Variants in PLAGL1 observed in about 807,000 individuals in gnomAD.
The protein encoded by PLAGL1 is PLAG1 like zinc finger 1.
PLAGL1 carries 1 observed loss-of-function variant against 4.6 expected under a neutral mutation model. The observed-to-expected ratio is 0.22, with a 90% confidence interval of 0.08 to 1.03. The LOEUF is 1.03. Among genes scored for constraint, PLAGL1 ranks in the 50% least tolerant of loss-of-function variants. The pLI is 0.58. For synonymous variants in PLAGL1, 240 were observed against 237.8 expected (o/e 1.01, Z -0.08); for missense variants, 464 against 570.4 (o/e 0.81, Z 1.90).
At position 143,964,794 on chromosome 6, in the gene PLAGL1, A is replaced by T. The variant is rs1411979546; in HGVS notation, c.-406T>A. On this transcript the variant is annotated 5_prime_UTR_variant, in exon 5 of 8. Transcript: ENST00000674357. The surrounding 1 kb of genome is among the most constrained non-coding windows in gnomAD (Gnocchi z 4.3). The stretch of plus-strand genomic sequence containing the variant: ...ATGTTAGAGTATACTCACAAGATTA[A>T]CTCCTCTGATTCCTATGCAAATACC... The T allele has an allele frequency of 6.6e-6, 1 of 152,042 alleles. No individual in the cohort carries two copies. Among genetic ancestry groups the T allele is most frequent in the Non-Finnish European group, 1.5e-5 (1 of 68,028 alleles). 9.4% of individuals were successfully genotyped at this position (152,042 alleles called of 1,614,324 possible).
intron 1 of PLAGL1, chr6:144,007,310 G>A (rs1283957674): frequency 1.3e-5 from 2 of 152,138 alleles, no homozygotes; most frequent in Non-Finnish European, 2.9e-5. Flanking sequence ...GAGGACTTAG[G>A]GGACCAGGAC....
chr6:144,021,867 G>A (rs1258019023), intron 1 of PLAGL1, among the ~76,000 whole-genome samples: 1 of 152,210 alleles, frequency 6.6e-6, no homozygotes, highest in Non-Finnish European at 1.5e-5. Context: ...CAAATGGTCA[G>A]GTAGTCATGG....
intron 1 of PLAGL1, among the ~76,000 whole-genome samples, chr6:144,060,714 T>G (rs2128731885): frequency 6.6e-6 from 1 of 152,330 alleles, no homozygotes; most frequent in South Asian, 2.1e-4. Context: ...ACTTTTCCAT[T>G]CCAAATTACC....
At chr6:144,054,761 G>T (rs1216431631) in intron 1 of PLAGL1, among the ~76,000 whole-genome samples, 2 of 144,292 alleles carry the variant, frequency 1.4e-5, no homozygotes, top group Non-Finnish European at 3.0e-5. Context: ...AAAAGAAAAA[G>T]AAAAACTAAA....
In PLAGL1 at chr6:144,048,754, C is replaced by T. The variant is rs1798361711; in HGVS notation, c.-151+15714G>A. ...CTGCCAAGAAGGTCTCTAACATGCC[C>T]TGAAATGTTTTCCCCATCATCTTGG... On this transcript the variant is annotated intron_variant, in intron 1 of 3. Transcript: ENST00000437412. This position sits in a 1 kb window ranked among gnomAD's most constrained non-coding sequence, Gnocchi z 4.8. Among the ~76,000 whole-genome samples, 1 of 152,196 alleles carries T rather than the reference C, an allele frequency of 6.6e-6. No individual in the cohort carries two copies.
upstream of PLAGL1, among the ~76,000 whole-genome samples, chr6:144,013,281 T>A (rs1478363322): frequency 6.6e-6 from 1 of 152,084 alleles, no homozygotes; most frequent in Non-Finnish European, 1.5e-5. This position sits in a 1 kb window ranked among gnomAD's most constrained non-coding sequence, Gnocchi z 4.4. Context: ...TTACCAGGGG[T>A]AACAGCTATG....
rs952358592 is a variant in PLAGL1 at position 143,971,298 on chromosome 6, T to A, written c.-543-2320A>T. ...TTCACAAATGTGTAAACCTCTATTT[T>A]AAATTTTACCTCTACCATTAATCAA... On this transcript the variant is annotated intron_variant, in intron 2 of 7. Transcript: ENST00000674357. The surrounding 1 kb of genome is among the most constrained non-coding windows in gnomAD (Gnocchi z 4.7). 3.3e-5 allele frequency among the ~76,000 whole-genome samples: 5 copies of A among 152,212 alleles called. No homozygotes were observed. The highest frequency in any genetic ancestry group is 9.6e-5 in the African/African-American group (4 of 41,456).
At chr6:144,058,585 G>T (rs1799160964) in intron 1 of PLAGL1, among the ~76,000 whole-genome samples, 1 of 152,060 alleles carries the variant, frequency 6.6e-6, no homozygotes, top group South Asian at 2.1e-4. Context: ...CCATTTTTGG[G>T]CCTATAAAAG....
Position 143,940,532 on chromosome 6 carries a change from A to ATACT in PLAGL1, c.*888_*891dup, listed in dbSNP as rs1255676898. The ATACT allele has an allele frequency of 6.6e-6, 1 of 152,396 alleles. No individual in the cohort carries two copies. The highest frequency in any genetic ancestry group is 1.5e-5 in the Non-Finnish European group (1 of 68,034). The allele number at this position is 152,396 out of a possible 1,614,324, so 9.4% of individuals were successfully genotyped here. A position where few individuals can be genotyped will look rare whatever the true frequency, so the allele number is the denominator to read the frequency against. The stretch of plus-strand genomic sequence containing the variant: ...ACTTATTTATTGGTGATTACAAACA[A>ATACT]TACTTAAGAACTTAAGCAGCTTGAG... On this transcript the variant is annotated 3_prime_UTR_variant, in exon 8 of 8. Coordinates refer to ENST00000674357, the MANE Select transcript of PLAGL1 (RefSeq NM_001317162.2).
intron 1 of PLAGL1, among the ~76,000 whole-genome samples, chr6:144,042,989 G>A (rs1011805767): frequency 1.3e-5 from 2 of 152,166 alleles, no homozygotes; most frequent in African/African-American, 4.8e-5. Flanking sequence ...TGTTATTGGT[G>A]TATAGGAATG....
chr6:143,949,893 T>C lies in PLAGL1; in HGVS notation c.-324-1433A>G, dbSNP rs1780658020. 6.6e-6 allele frequency among the ~76,000 whole-genome samples: 1 copy of C among 152,226 alleles called. No homozygotes were observed. Among genetic ancestry groups the C allele is most frequent in the Admixed American group, 6.5e-5 (1 of 15,286 alleles). On this transcript the variant is annotated intron_variant, in intron 6 of 7. Transcript: ENST00000674357. The surrounding 1 kb of genome is among the most constrained non-coding windows in gnomAD (Gnocchi z 5.3). ...TTGGTTACTTTCAGATCAGAAAGTA[T>C]GAGTCTAACTAGATGAAACTTTATT...
At position 143,952,191 on chromosome 6, in the gene PLAGL1, A is replaced by G. The variant is rs1356586702; in HGVS notation, c.-324-3731T>C. On this transcript the variant is annotated intron_variant, in intron 6 of 7. Transcript: ENST00000674357. The surrounding 1 kb of genome is among the most constrained non-coding windows in gnomAD (Gnocchi z 6.1). ...TGATCAGTTCAAAGGCTGTTTACTGATGAGTCCAATCTTTGGTTGAAACCC... is the reference window on the plus strand; with the variant it reads ...TGATCAGTTCAAAGGCTGTTTACTGGTGAGTCCAATCTTTGGTTGAAACCC... 6.6e-6 allele frequency among the ~76,000 whole-genome samples: 1 copy of G among 152,222 alleles called. No homozygotes were observed. The highest frequency in any genetic ancestry group is 6.5e-5 in the Admixed American group (1 of 15,288).
Position 144,050,598 on chromosome 6 carries a change from C to T in PLAGL1, c.-151+13870G>A, listed in dbSNP as rs527264672. Among the ~76,000 whole-genome samples, 65 of 152,248 alleles carry T rather than the reference C, an allele frequency of 4.3e-4. No homozygotes were observed. The highest frequency in any genetic ancestry group is 1.5e-3 in the African/African-American group (63 of 41,534). On this transcript the variant is annotated intron_variant, in intron 1 of 3. Coordinates refer to the PLAGL1 transcript ENST00000437412. This position sits in a 1 kb window ranked among gnomAD's most constrained non-coding sequence, Gnocchi z 4.3. The stretch of plus-strand genomic sequence containing the variant: ...AAAGAATAAGCACATGATATTTATA[C>T]ACATCTCTGTGTCAGGTGCAGTGGC...
chr6:144,044,859 T>C (rs942127832), intron 1 of PLAGL1, among the ~76,000 whole-genome samples: 2 of 152,218 alleles, frequency 1.3e-5, no homozygotes, highest in African/African-American at 2.4e-5. Context: ...TGCTCCTGTA[T>C]TGGATGCATA....
chr6:143,967,543 T>G (rs1033996112), intron 3 of PLAGL1: 1 of 152,224 alleles, frequency 6.6e-6, no homozygotes, highest in African/African-American at 2.4e-5. Flanking sequence ...TCCTAGATTC[T>G]TAAGCAGTGT....
At chr6:144,044,967 C>T (rs1798017331) in intron 1 of PLAGL1, among the ~76,000 whole-genome samples, 1 of 120,674 alleles carries the variant, frequency 8.3e-6, no homozygotes, top group Admixed American at 8.1e-5. Flanking sequence ...GGTTTAAAGT[C>T]TGTTTTATCA....
rs138013270 is a variant in PLAGL1 at position 144,023,859 on chromosome 6, C to A, written c.-151+40609G>T. ...TGGTGCAATCTTGGCTTACTGCAAC[C>A]TCCGCCTCCCAGGCTCAAGTGATTG... On this transcript the variant is annotated intron_variant, in intron 1 of 3. Transcript: ENST00000437412. 8.7e-3 allele frequency among the ~76,000 whole-genome samples: 1,270 copies of A among 146,748 alleles called. 29 individuals are homozygous for A. Among genetic ancestry groups the A allele is most frequent in the East Asian group, 0.04 (200 of 4,942 alleles).
rs1432710755 is a variant in PLAGL1, at chr6:144,027,234, CGAAAG to C, written c.-151+37229_-151+37233del. ...GAAAGACCCCAACTCAAAGAACGAA[CGAAAG>C]AAAGAAAGAAAGAAAGAAAGAAAGA... On this transcript the variant is annotated intron_variant, in intron 1 of 3. Transcript: ENST00000437412. This position sits in a 1 kb window ranked among gnomAD's most constrained non-coding sequence, Gnocchi z 5.8. Among the ~76,000 whole-genome samples, 22 of 111,632 alleles carry C rather than the reference CGAAAG, an allele frequency of 2.0e-4. No individual in the cohort carries two copies. The East Asian group carries it at 5.0e-3, about 25-fold the overall frequency. 73.2% of individuals were successfully genotyped at this position (111,632 alleles called of 152,430 possible).
In PLAGL1 at chr6:143,941,404, A is replaced by T. The variant is rs1437268192; in HGVS notation, c.*20T>A. 13 of 1,488,426 alleles carry T rather than the reference A, an allele frequency of 8.7e-6. No homozygotes were observed. The highest frequency in any genetic ancestry group is 1.1e-5 in the Non-Finnish European group (12 of 1,117,934). 92.2% of individuals were successfully genotyped at this position (1,488,426 alleles called of 1,614,324 possible). ...CTTAAAACATCTTCCAGAATACGAA[A>T]AATACACTTTAAAAATCAATTATCT... On this transcript the variant is annotated 3_prime_UTR_variant, in exon 8 of 8. Transcript: ENST00000674357. This position sits in a 1 kb window ranked among gnomAD's most constrained non-coding sequence, Gnocchi z 6.0.
Sources: allele counts gnomAD v4.1 joint callset (sites outside exome capture counted in the v4.1 genomes callset), GRCh38; gene constraint gnomAD v4.1.1; non-coding constraint Gnocchi (gnomAD v3.1); transcripts MANE v1.5; gene names NCBI Gene and HGNC (gene_info 2026-07-23, HGNC 2026-07-21).